The following DCC variants were observed in gnomAD, a reference collection of about 807,000 sequenced individuals.
DCC encodes DCC netrin 1 receptor.
Under a neutral mutation model 172.5 loss-of-function variants are expected in DCC, and 58 were observed. The observed-to-expected ratio is 0.34, with a 90% CI of 0.27 to 0.42. DCC has a LOEUF of 0.42. Among genes scored for constraint, DCC ranks in the 10% least tolerant of loss-of-function variants. The probability of loss-of-function intolerance (pLI) is 1.00; values close to 1 mark genes in which losing one functional copy is unlikely to be tolerated. For synonymous variants in DCC, 709 were observed against 644.5 expected (o/e 1.10, Z -1.52); for missense variants, 1,740 against 1,791.0 (o/e 0.97, Z 0.51).
chr18:53,222,393 T>C (rs1228929054), intron 12 of DCC, among the ~76,000 whole-genome samples: 4 of 139,424 alleles, frequency 2.9e-5, no homozygotes, highest in East Asian at 2.0e-4. Context: ...CTTTTTTTTT[T>C]TTTTTTTTTG....
chr18:52,898,842 A>G (rs1352033735), intron 2 of DCC, among the ~76,000 whole-genome samples: 1 of 152,002 alleles, frequency 6.6e-6, no homozygotes, highest in African/African-American at 2.4e-5. Flanking sequence ...GTCTGAGGAG[A>G]TTGATGGCCA....
intron 26 of DCC, 70 bp from the exon 27 acceptor site, chr18:53,499,228 T>C (rs1189198251): frequency 2.7e-6 from 4 of 1,477,430 alleles, no homozygotes; most frequent in Non-Finnish European, 3.8e-6. Flanking sequence ...ATGCAGGGAC[T>C]GTTCCAGTGA....
At chr18:53,145,267 C>A (rs1281920601) in intron 7 of DCC, among the ~76,000 whole-genome samples, 1 of 152,018 alleles carries the variant, frequency 6.6e-6, no homozygotes, top group Admixed American at 6.5e-5. Context: ...TCGCCCGCCA[C>A]CACGCCCCGC....
intron 1 of DCC, among the ~76,000 whole-genome samples, chr18:52,644,791 GGAAA>G (rs200996929): frequency 0.63 from 57,029 of 91,214 alleles, 15,921 homozygotes; most frequent in East Asian, 0.73. Flanking sequence ...AAGGAAAGAA[GGAAA>G]GAAGGAAGGA....
intron 27 of DCC, among the ~76,000 whole-genome samples, chr18:53,526,204 A>G (rs1176974318): frequency 6.6e-6 from 1 of 152,148 alleles, no homozygotes; most frequent in Non-Finnish European, 1.5e-5. Context: ...CATCTCTTCT[A>G]ACTCTGCAAA....
At chr18:53,074,187 T>A (rs2042692819) in intron 7 of DCC, among the ~76,000 whole-genome samples, 1 of 152,170 alleles carries the variant, frequency 6.6e-6, no homozygotes, top group Non-Finnish European at 1.5e-5. Context: ...TTTAACTGTT[T>A]CATTGTGTTT....
At chr18:52,962,294 G>A (rs1194543086) in intron 5 of DCC, among the ~76,000 whole-genome samples, 2 of 151,894 alleles carry the variant, frequency 1.3e-5, no homozygotes, top group Non-Finnish European at 2.9e-5. Context: ...AGTGGGCAAA[G>A]GATATGAACA....
chr18:53,435,693 T>C (rs1231268872), intron 22 of DCC, among the ~76,000 whole-genome samples: 1 of 152,144 alleles, frequency 6.6e-6, no homozygotes, highest in Non-Finnish European at 1.5e-5. Flanking sequence ...AGGGCTAAAT[T>C]TTCTTTGTGT....
intron 5 of DCC, among the ~76,000 whole-genome samples, chr18:52,970,185 G>A (rs548106356): frequency 2.0e-4 from 30 of 152,072 alleles, no homozygotes; most frequent in Middle Eastern, 3.6e-3. Flanking sequence ...ATTAGGAATA[G>A]CCAATAAATA....
chr18:53,516,873 T>G (rs1404716085), intron 27 of DCC, among the ~76,000 whole-genome samples: 3 of 142,262 alleles, frequency 2.1e-5, no homozygotes, highest in Non-Finnish European at 4.5e-5. Flanking sequence ...GTTCAACCAT[T>G]GTGGAAGTCA....
intron 2 of DCC, among the ~76,000 whole-genome samples, chr18:52,804,248 A>G (rs2038046624): frequency 1.5e-5 from 1 of 68,920 alleles, no homozygotes; most frequent in Non-Finnish European, 3.7e-5. Flanking sequence ...AGTGTATACA[A>G]CTTTAGTTCT....
chr18:52,988,776 C>A (rs1017719848), intron 5 of DCC, among the ~76,000 whole-genome samples: 3 of 151,584 alleles, frequency 2.0e-5, no homozygotes, highest in African/African-American at 4.8e-5. Context: ...CTTGAAGGAG[C>A]CTTGGTTGAA....
chr18:52,877,023 A>G (rs753808083), intron 2 of DCC, among the ~76,000 whole-genome samples: 25 of 152,350 alleles, frequency 1.6e-4, no homozygotes, highest in Admixed American at 8.5e-4. Flanking sequence ...ATTGCATGGT[A>G]CACATTTATA....
At chr18:52,519,327 G>A (rs927745301) in intron 1 of DCC, among the ~76,000 whole-genome samples, 7 of 152,202 alleles carry the variant, frequency 4.6e-5, no homozygotes, top group African/African-American at 1.7e-4. Flanking sequence ...GTGCAGTGCA[G>A]TTAAGATCTG....
intron 2 of DCC, among the ~76,000 whole-genome samples, chr18:52,774,062 C>A (rs1033840258): frequency 1.3e-5 from 2 of 152,170 alleles, no homozygotes; most frequent in African/African-American, 2.4e-5. Flanking sequence ...GCCCCAGATG[C>A]TTGTGATATT....
At chr18:53,483,610 CATG>C (rs1267750461) in intron 25 of DCC, among the ~76,000 whole-genome samples, 3 of 151,820 alleles carry the variant, frequency 2.0e-5, no homozygotes, top group Admixed American at 6.6e-5. Context: ...AACATACAAA[CATG>C]ATCTATTTTT....
At chr18:53,370,320 G>C (rs2058047716) in intron 15 of DCC, among the ~76,000 whole-genome samples, 1 of 151,514 alleles carries the variant, frequency 6.6e-6, no homozygotes, top group African/African-American at 2.4e-5. Context: ...TCTCACTTCA[G>C]TAATTTGAGT....
chr18:52,632,921 C>T (rs577141081), intron 1 of DCC, among the ~76,000 whole-genome samples: 13 of 152,208 alleles, frequency 8.5e-5, no homozygotes, highest in Non-Finnish European at 1.5e-4. Flanking sequence ...CTTTCAGGAA[C>T]GGTTTGCAAA....
At chr18:53,309,945 C>CGTGTGTATATATATATATATATATAT (rs2057246084) in intron 13 of DCC, among the ~76,000 whole-genome samples, 1 of 98,916 alleles carries the variant, frequency 1.0e-5, no homozygotes, top group Non-Finnish European at 2.1e-5. Context: ...TATATATATA[C>CGTGTGTATATATATATATATATATAT]ATGTATATAT....
Sources: gnomAD v4.1 joint callset for allele counts (sites outside exome capture counted in the v4.1 genomes callset) on GRCh38, gnomAD v4.1.1 for gene constraint, MANE v1.5 for transcripts, NCBI Gene and HGNC (gene_info 2026-07-23, HGNC 2026-07-21) for gene names.